Variants in SPHKAP observed in about 807,000 individuals in gnomAD.
The protein encoded by SPHKAP is SPHK1 interactor, AKAP domain containing.
In SPHKAP, 67 loss-of-function variants were observed where a neutral mutation model predicts 137.5. The observed-to-expected ratio is 0.49, with a 90% confidence interval of 0.40 to 0.60. SPHKAP has a LOEUF of 0.60. Among genes scored for constraint, SPHKAP ranks in the 20% least tolerant of loss-of-function variants. SPHKAP has a pLI of 0.00. For missense variants in SPHKAP, 2,097 were observed against 2,069.3 expected (o/e 1.01, Z -0.26); for synonymous variants, 813 against 785.3 (o/e 1.04, Z -0.59).
At chr2:228,026,193 C>G (rs1023080227) in intron 4 of SPHKAP, among the ~76,000 whole-genome samples, 27 of 152,268 alleles carry the variant, frequency 1.8e-4, no homozygotes, top group African/African-American at 6.3e-4. Context: ...TCCAATAAAC[C>G]TCTTTCTTAT....
intron 3 of SPHKAP, among the ~76,000 whole-genome samples, chr2:228,077,481 G>A (rs571814778): frequency 1.3e-5 from 2 of 152,332 alleles, no homozygotes; most frequent in East Asian, 3.9e-4. Flanking sequence ...GTGAGACATG[G>A]AGTCAAAGGA....
chr2:228,165,039 T>C (rs977499136), intron 1 of SPHKAP, among the ~76,000 whole-genome samples: 5 of 152,176 alleles, frequency 3.3e-5, no homozygotes, highest in Non-Finnish European at 4.4e-5. Context: ...CAGTAAAGGA[T>C]CAATATTAGT....
intron 1 of SPHKAP, among the ~76,000 whole-genome samples, chr2:228,159,547 A>G (rs1700212926): frequency 6.6e-6 from 1 of 152,200 alleles, no homozygotes; most frequent in Non-Finnish European, 1.5e-5. Flanking sequence ...CCGGGTCTTT[A>G]AAGAAAGACA....
chr2:228,027,361 A>G lies in SPHKAP; in HGVS notation c.306+123T>C. 6 of 995,808 alleles carry G rather than the reference A, an allele frequency of 6.0e-6. No individual in the cohort carries two copies. In the East Asian group the frequency reaches 1.5e-4, roughly 24 times the overall value. 61.7% of individuals were successfully genotyped at this position (995,808 alleles called of 1,614,324 possible). A position where few individuals can be genotyped will look rare whatever the true frequency, so the allele number is the denominator to read the frequency against. ...TAAGTGCTAGGGAAAGGGTCGGGGAAATGGCCTGTAATGAAACTATCTAAC... is the reference window on the plus strand; with the variant it reads ...TAAGTGCTAGGGAAAGGGTCGGGGAGATGGCCTGTAATGAAACTATCTAAC... On this transcript the variant is annotated intron_variant, in intron 4 of 11. Coordinates refer to ENST00000392056, the MANE Select transcript of SPHKAP (RefSeq NM_001142644.2).
chr2:228,152,142 G>A (rs1057471249), intron 1 of SPHKAP, among the ~76,000 whole-genome samples: 1 of 152,090 alleles, frequency 6.6e-6, no homozygotes, highest in Admixed American at 6.6e-5. Flanking sequence ...TCTCCACTAT[G>A]CATGGCCAAT....
Position 227,981,799 on chromosome 2 carries a change from G to T in SPHKAP, c.5021C>A (p.Ala1674Glu). The T allele has an allele frequency of 1.9e-6, 3 of 1,613,742 alleles. No homozygotes were observed. The highest frequency in any genetic ancestry group is 2.5e-6 in the Non-Finnish European group (3 of 1,179,790). ...ATGCATTTTGCAGTACTGGACAACTGCATGGAAGATATCACCCACTTTCCA... is the reference window on the plus strand; with the variant it reads ...ATGCATTTTGCAGTACTGGACAACTTCATGGAAGATATCACCCACTTTCCA... ...KSWKVGDIFH[A>E]VVQYCKMHEE... is the part of the protein sequence containing the mutation. Residue 1674 changes from alanine (A) to glutamate (E), a missense_variant, in exon 12 of 12, where the codon GCA becomes GAA. Physicochemically the swap from Ala to Glu is moderately radical, Grantham distance 107. Transcript: ENST00000392056.
chr2:228,056,385 C>A (rs1183555454), intron 3 of SPHKAP, among the ~76,000 whole-genome samples: 3 of 152,054 alleles, frequency 2.0e-5, no homozygotes, highest in Non-Finnish European at 4.4e-5. Flanking sequence ...CCCATTTTGG[C>A]CCATGTCTGT....
At chr2:228,152,040 A>C (rs971357205) in intron 1 of SPHKAP, among the ~76,000 whole-genome samples, 1 of 152,154 alleles carries the variant, frequency 6.6e-6, no homozygotes, top group Non-Finnish European at 1.5e-5. Context: ...AGAAATTTTC[A>C]ATTTGTCTGT....
intron 8 of SPHKAP, 97 bp downstream of exon 8, chr2:227,995,412 T>C: frequency 1.4e-6 from 2 of 1,454,404 alleles, no homozygotes; most frequent in South Asian, 2.3e-5. Context: ...TCTCCTTCTC[T>C]CTTTATTAGG....
At chr2:228,119,109 C>T (rs1318572738) in intron 2 of SPHKAP, among the ~76,000 whole-genome samples, 2 of 152,120 alleles carry the variant, frequency 1.3e-5, no homozygotes, top group Admixed American at 6.6e-5. Context: ...AAGCCAGCCA[C>T]ACTCCCATCG....
At chr2:227,982,844 A>G (rs1282147956) in intron 11 of SPHKAP, among the ~76,000 whole-genome samples, 1 of 152,210 alleles carries the variant, frequency 6.6e-6, no homozygotes, top group Non-Finnish European at 1.5e-5. Flanking sequence ...ATGCCTGCAC[A>G]TAGTAGGGGC....
chr2:228,138,652 G>A (rs1026338788), intron 1 of SPHKAP, among the ~76,000 whole-genome samples: 5 of 152,084 alleles, frequency 3.3e-5, no homozygotes, highest in African/African-American at 1.2e-4. Flanking sequence ...TTTATGTTCT[G>A]TTTCAATACT....
At chr2:228,157,401 G>A (rs1316715051) in intron 1 of SPHKAP, among the ~76,000 whole-genome samples, 1 of 152,152 alleles carries the variant, frequency 6.6e-6, no homozygotes, top group Non-Finnish European at 1.5e-5. Context: ...CCAGAGAGCT[G>A]TATATTGAAT....
chr2:228,048,610 G>A (rs574330797), intron 3 of SPHKAP, among the ~76,000 whole-genome samples: 1 of 152,008 alleles, frequency 6.6e-6, no homozygotes, highest in Non-Finnish European at 1.5e-5. Flanking sequence ...TAATGTTCAG[G>A]TATCTCTAGA....
intron 7 of SPHKAP, among the ~76,000 whole-genome samples, chr2:228,010,001 G>A (rs1694305521): frequency 6.6e-6 from 1 of 152,064 alleles, no homozygotes; most frequent in African/African-American, 2.4e-5. Context: ...GGCTTCCTGT[G>A]CAGATTCCTC....
intron 1 of SPHKAP, among the ~76,000 whole-genome samples, chr2:228,134,577 G>A (rs1699376505): frequency 6.6e-6 from 1 of 152,156 alleles, no homozygotes; most frequent in Admixed American, 6.6e-5. Flanking sequence ...TTGTCCACAG[G>A]ACAGTTTGGC....
chr2:228,025,554 TTAGCTGA>T lies in SPHKAP; in HGVS notation c.307-33_307-27del, dbSNP rs752895582. On this transcript the variant is annotated intron_variant, in intron 4 of 11. Coordinates refer to ENST00000392056, the MANE Select transcript of SPHKAP (RefSeq NM_001142644.2). ...CTGTAAAGCAAGAATCTTTATTAGT[TTAGCTGA>T]TTTCTTTTCACCAAATACTACTCAC... 1,114 of 1,611,646 alleles carry T rather than the reference TTAGCTGA, an allele frequency of 6.9e-4. 1 individual carries two copies. The highest frequency in any genetic ancestry group is 5.0e-3 in the Middle Eastern group (30 of 6,046).
At chr2:228,058,539 C>G (rs1696527094) in intron 3 of SPHKAP, among the ~76,000 whole-genome samples, 1 of 152,128 alleles carries the variant, frequency 6.6e-6, no homozygotes, top group Non-Finnish European at 1.5e-5. Context: ...CACCCCGATC[C>G]CGCTGTTAAC....
At chr2:228,114,787 T>C (rs1698651784) in intron 2 of SPHKAP, among the ~76,000 whole-genome samples, 1 of 152,160 alleles carries the variant, frequency 6.6e-6, no homozygotes, top group Non-Finnish European at 1.5e-5. Context: ...CTTCTCCTAC[T>C]TCTCTACTCT....
Sources: gnomAD v4.1 joint callset for allele counts (sites outside exome capture counted in the v4.1 genomes callset) on GRCh38, gnomAD v4.1.1 for gene constraint, MANE v1.5 for transcripts, NCBI Gene and HGNC (gene_info 2026-07-23, HGNC 2026-07-21) for gene names.